FBN2: variants seen among roughly 807,000 people sequenced by gnomAD.
The protein encoded by FBN2 is fibrillin 2, also known as fibrillin-2.
Under a neutral mutation model 355.6 loss-of-function variants are expected in FBN2, and 105 were observed. The observed-to-expected ratio is 0.30, with a 90% CI of 0.25 to 0.35. FBN2 has a LOEUF of 0.35. Ranked by LOEUF, FBN2 falls within the 10% of genes least tolerant of loss-of-function variation. The probability of loss-of-function intolerance (pLI) is 1.00; values close to 1 mark genes in which losing one functional copy is unlikely to be tolerated. For synonymous variants in FBN2, 1,350 were observed against 1,301.2 expected (o/e 1.04, Z -0.81); for missense variants, 3,280 against 3,758.7 (o/e 0.87, Z 3.33).
chr5:128,312,583 A>T, intron 37 of FBN2, 51 bp downstream of exon 37: 1 of 1,606,574 alleles, frequency 6.2e-7, no homozygotes, highest in Non-Finnish European at 8.5e-7. Flanking sequence ...AATGGCAACA[A>T]ATCTTTAGAT....
chr5:128,518,560 C>G (rs1052379370), intron 5 of FBN2, among the ~76,000 whole-genome samples: 1 of 152,112 alleles, frequency 6.6e-6, no homozygotes, highest in Non-Finnish European at 1.5e-5. Flanking sequence ...TTACCACCAC[C>G]ACCCCCCACT....
rs1042667202 is a variant in FBN2, at chr5:128,342,961, C to T, written c.3343+1424G>A. On this transcript the variant is annotated intron_variant, in intron 25 of 64. Transcript: ENST00000262464. ...CAGGCTGGTCTCAAACTCCTGACCC[C>T]AGGTGATCTGCCCGTCTCGGCCTCC... Among the ~76,000 whole-genome samples the T allele has an allele frequency of 2.6e-5, 4 of 152,122 alleles. No homozygotes were observed. The South Asian group carries it at 8.3e-4, about 32-fold the overall frequency.
intron 2 of FBN2, among the ~76,000 whole-genome samples, chr5:128,534,879 C>A (rs1314019420): frequency 6.6e-6 from 1 of 152,206 alleles, no homozygotes; most frequent in East Asian, 1.9e-4. Context: ...ATGGCAGTCA[C>A]ATTCATTACA....
chr5:128,361,625 A>G, intron 19 of FBN2, 98 bp downstream of exon 19: 1 of 1,422,820 alleles, frequency 7.0e-7, no homozygotes, highest in Non-Finnish European at 9.9e-7. Context: ...ATATTCAAAC[A>G]ATATTCTTTT....
chr5:128,459,663 A>C (rs1754503523), intron 6 of FBN2, among the ~76,000 whole-genome samples: 1 of 151,906 alleles, frequency 6.6e-6, no homozygotes, highest in Non-Finnish European at 1.5e-5. Flanking sequence ...TTCAACATAC[A>C]CAAATCAATA....
intron 7 of FBN2, among the ~76,000 whole-genome samples, chr5:128,437,116 G>A (rs755867925): frequency 3.9e-5 from 6 of 152,128 alleles, no homozygotes; most frequent in East Asian, 1.9e-4. Flanking sequence ...CAAATGACTC[G>A]CTCCAGGGTG....
chr5:128,297,097 C>G (rs1338029897), intron 48 of FBN2, among the ~76,000 whole-genome samples: 2 of 151,930 alleles, frequency 1.3e-5, no homozygotes, highest in Admixed American at 6.6e-5. Flanking sequence ...CGTTATGTAC[C>G]CAGTAGTCAT....
At chr5:128,456,393 G>A (rs1250428218) in intron 6 of FBN2, among the ~76,000 whole-genome samples, 2 of 152,128 alleles carry the variant, frequency 1.3e-5, no homozygotes, top group East Asian at 1.9e-4. Context: ...TGGGCAGCCC[G>A]GCCGAGTGGG....
At chr5:128,521,344 C>A (rs1002296487) in intron 4 of FBN2, among the ~76,000 whole-genome samples, 8 of 152,022 alleles carry the variant, frequency 5.3e-5, no homozygotes, top group Admixed American at 1.3e-4. Flanking sequence ...GGGAGAGGAA[C>A]AACACACACT....
At chr5:128,431,887 T>G (rs987137313) in intron 7 of FBN2, among the ~76,000 whole-genome samples, 3 of 152,192 alleles carry the variant, frequency 2.0e-5, no homozygotes, top group Non-Finnish European at 4.4e-5. Context: ...ATTACCTTAC[T>G]GAGAATGGCA....
intron 11 of FBN2, among the ~76,000 whole-genome samples, chr5:128,382,322 T>C (rs1258458473): frequency 6.6e-6 from 1 of 152,062 alleles, no homozygotes; most frequent in African/African-American, 2.4e-5. Context: ...CTCCATATTA[T>C]TTTGCTATCT....
chr5:128,441,483 T>A (rs1006379573), intron 7 of FBN2, among the ~76,000 whole-genome samples: 2 of 152,232 alleles, frequency 1.3e-5, no homozygotes, highest in African/African-American at 4.8e-5. Context: ...GGCCTCTTTG[T>A]GCCTCAGTTT....
chr5:128,420,722 TA>T (rs776526081), intron 7 of FBN2, among the ~76,000 whole-genome samples: 47 of 152,200 alleles, frequency 3.1e-4, no homozygotes, highest in Non-Finnish European at 5.9e-4. Flanking sequence ...ATTCATTCTT[TA>T]AAACTCTCAA....
rs1472701563 is a variant in FBN2, at chr5:128,435,874, T to C, written c.952+10607A>G. 2.6e-5 allele frequency among the ~76,000 whole-genome samples: 4 copies of C among 152,232 alleles called. No homozygotes were observed. In the East Asian group the frequency reaches 7.7e-4, roughly 29 times the overall value. ...TTTGCTGAATAATTTTCTTTTGGAA[T>C]ATGTATTTTTTCACAGATTTCATGT... On this transcript the variant is annotated intron_variant, in intron 7 of 64. Coordinates refer to ENST00000262464, the MANE Select transcript of FBN2 (RefSeq NM_001999.4).
intron 7 of FBN2, among the ~76,000 whole-genome samples, chr5:128,444,781 T>G (rs1380971713): frequency 6.6e-6 from 1 of 152,246 alleles, no homozygotes; most frequent in Admixed American, 6.5e-5. Flanking sequence ...AAAAGCCTCA[T>G]TCCATTTTTA....
rs1459918748 is a variant in FBN2, at chr5:128,334,754, C to A, written c.4064G>T (p.Gly1355Val). ...TGTGGTCCCCTTCTTCACTGAGTAA[C>A]CCAGCTGACAGTGGCAAATGAAGGA... The part of the protein sequence containing the change: ...KGSFICHCQL[G>V]YSVKKGTTGC... Residue 1355 changes from glycine to valine, a missense_variant, in exon 31 of 65, where the codon GGT (glycine) becomes GTT (valine). Physicochemically the swap from Gly to Val is moderately radical, Grantham distance 109 (BLOSUM62 -3). This residue lies in a region of FBN2 where 2,284 missense variants were observed against 2,749.5 expected (regional missense o/e 0.83). Transcript: ENST00000262464. The A allele has an allele frequency of 1.2e-6, 2 of 1,614,108 alleles. No homozygotes were observed. The highest frequency in any genetic ancestry group is 1.1e-5 in the South Asian group (1 of 91,082).
chr5:128,466,386 G>A (rs1166447663), intron 5 of FBN2, among the ~76,000 whole-genome samples: 5 of 152,118 alleles, frequency 3.3e-5, no homozygotes, highest in African/African-American at 1.2e-4. Context: ...AGTTTTATGA[G>A]AACAAAACTA....
At chr5:128,359,947 A>G (rs1387226644) in intron 19 of FBN2, among the ~76,000 whole-genome samples, 1 of 152,126 alleles carries the variant, frequency 6.6e-6, no homozygotes, top group African/African-American at 2.4e-5. Context: ...CTATCCATTT[A>G]GTTCCGCATT....
chr5:128,333,144 G>C, intron 31 of FBN2, 110 bp from the exon 32 acceptor site: 2 of 959,284 alleles, frequency 2.1e-6, no homozygotes, highest in Middle Eastern at 2.2e-4. Flanking sequence ...CAACCGTATG[G>C]AGAAAAGAGT....
Sources: allele counts gnomAD v4.1 joint callset (sites outside exome capture counted in the v4.1 genomes callset), GRCh38; gene constraint gnomAD v4.1.1; regional missense constraint gnomAD v4.1.1; transcripts MANE v1.5; gene names NCBI Gene and HGNC (gene_info 2026-07-23, HGNC 2026-07-21).